The following ERBB4 variants were observed in gnomAD, a reference collection of about 807,000 sequenced individuals.
The protein encoded by ERBB4 is receptor tyrosine-protein kinase erbB-4.
A neutral mutation model predicts 158.0 loss-of-function variants in ERBB4; 42 were observed. The ratio of observed to expected loss-of-function variants is 0.27; its 90% CI spans 0.21 to 0.34. The LOEUF (loss-of-function observed/expected upper bound fraction) is 0.34, where lower values mean the gene tolerates loss of function less well. Among genes scored for constraint, ERBB4 ranks in the 10% least tolerant of loss-of-function variants. The probability of loss-of-function intolerance (pLI) is 1.00; values close to 1 mark genes in which losing one functional copy is unlikely to be tolerated. For missense variants in ERBB4, 1,333 were observed against 1,624.1 expected (o/e 0.82, Z 3.08); for synonymous variants, 583 against 558.7 (o/e 1.04, Z -0.61).
At chr2:212,107,698 G>T (rs2079274245) in intron 2 of ERBB4, among the ~76,000 whole-genome samples, 2 of 152,126 alleles carry the variant, frequency 1.3e-5, no homozygotes. Flanking sequence ...TTGAATTGTA[G>T]CTCCAACAAT....
intron 16 of ERBB4, among the ~76,000 whole-genome samples, chr2:211,639,057 C>T (rs1210106593): frequency 6.6e-6 from 1 of 152,072 alleles, no homozygotes; most frequent in Non-Finnish European, 1.5e-5. Flanking sequence ...AAGAACTTTC[C>T]TTTTAACAGG....
chr2:212,442,771 T>G (rs1478073391), intron 1 of ERBB4, among the ~76,000 whole-genome samples: 3 of 152,120 alleles, frequency 2.0e-5, no homozygotes, highest in Non-Finnish European at 4.4e-5. Context: ...AAAGGCCAAA[T>G]GGAACCCATT....
intron 1 of ERBB4, among the ~76,000 whole-genome samples, chr2:212,234,405 C>G (rs2083778125): frequency 6.6e-6 from 1 of 152,084 alleles, no homozygotes; most frequent in African/African-American, 2.4e-5. Context: ...GGGTTGGTTT[C>G]ATGTCTTTGC....
At chr2:211,477,768 A>C (rs1226415344) in intron 20 of ERBB4, among the ~76,000 whole-genome samples, 1 of 152,112 alleles carries the variant, frequency 6.6e-6, no homozygotes, top group East Asian at 1.9e-4. Context: ...TTTGCTAAGA[A>C]TTTTAAGTAT....
At chr2:211,883,154 G>T (rs1337214584) in intron 3 of ERBB4, among the ~76,000 whole-genome samples, 2 of 152,150 alleles carry the variant, frequency 1.3e-5, no homozygotes, top group Non-Finnish European at 2.9e-5. Flanking sequence ...GTAGGGACAT[G>T]GATGAAGCTG....
At chr2:212,272,439 G>C (rs763498228) in intron 1 of ERBB4, among the ~76,000 whole-genome samples, 2 of 151,724 alleles carry the variant, frequency 1.3e-5, no homozygotes, top group Non-Finnish European at 2.9e-5. Context: ...CCGTTGAATT[G>C]TGAAAAGGAA....
chr2:211,522,655 G>A (rs2066220010), intron 20 of ERBB4, among the ~76,000 whole-genome samples: 1 of 152,074 alleles, frequency 6.6e-6, no homozygotes, highest in African/African-American at 2.4e-5. Flanking sequence ...TTTGATGAAA[G>A]GAAGAGTCAA....
At position 212,503,380 on chromosome 2, in the gene ERBB4, G is replaced by T. The variant is rs559192826; in HGVS notation, c.82+35069C>A. 2.9e-3 allele frequency among the ~76,000 whole-genome samples: 435 copies of T among 152,280 alleles called. 2 individuals carry two copies. Among genetic ancestry groups the T allele is most frequent in the African/African-American group, 0.01 (422 of 41,548 alleles). On this transcript the variant is annotated intron_variant, in intron 1 of 27. Coordinates refer to ENST00000342788, the MANE Select transcript of ERBB4 (RefSeq NM_005235.3). ...TAAATGTTGTCCTCCACAATATCCA[G>T]TAATAATATAGCCTCTTTTCCTACT...
intron 1 of ERBB4, among the ~76,000 whole-genome samples, chr2:212,237,153 A>G (rs1445307050): frequency 6.6e-6 from 1 of 152,094 alleles, no homozygotes; most frequent in East Asian, 1.9e-4. Context: ...AGGAGAAGAA[A>G]TATTATCACT....
At chr2:211,718,619 T>C (rs2073998500) in intron 7 of ERBB4, among the ~76,000 whole-genome samples, 1 of 152,166 alleles carries the variant, frequency 6.6e-6, no homozygotes, top group African/African-American at 2.4e-5. Context: ...GCCATCAACA[T>C]AGACAATCTG....
At chr2:211,902,701 T>C (rs960974793) in intron 3 of ERBB4, among the ~76,000 whole-genome samples, 3 of 151,722 alleles carry the variant, frequency 2.0e-5, no homozygotes, top group Non-Finnish European at 4.4e-5. Flanking sequence ...TTTCCTTCTA[T>C]GTATATTTTT....
intron 13 of ERBB4, among the ~76,000 whole-genome samples, chr2:211,676,886 T>G (rs901197987): frequency 7.2e-5 from 11 of 152,208 alleles, no homozygotes; most frequent in African/African-American, 2.4e-4. Context: ...TCTGAGGTAT[T>G]TTATGTTCAT....
At chr2:212,159,033 C>G (rs1319626077) in intron 1 of ERBB4, among the ~76,000 whole-genome samples, 1 of 151,790 alleles carries the variant, frequency 6.6e-6, no homozygotes, top group East Asian at 1.9e-4. Context: ...GAAATGTGGT[C>G]GATATGTTGT....
chr2:211,725,920 G>A (rs1165826552), intron 5 of ERBB4, among the ~76,000 whole-genome samples: 1 of 151,990 alleles, frequency 6.6e-6, no homozygotes, highest in Non-Finnish European at 1.5e-5. Flanking sequence ...AATCATCATT[G>A]GTCTTTTCTT....
At chr2:212,235,852 C>G (rs2083849891) in intron 1 of ERBB4, among the ~76,000 whole-genome samples, 1 of 152,180 alleles carries the variant, frequency 6.6e-6, no homozygotes, top group Admixed American at 6.5e-5. Context: ...TGCTTATCAG[C>G]TTAAGGAGAT....
At chr2:212,489,100 A>G (rs13394464) in intron 1 of ERBB4, among the ~76,000 whole-genome samples, 21,478 of 151,556 alleles carry the variant, frequency 0.14, 1,629 homozygotes, top group African/African-American at 0.17. Context: ...CTAAAGAAAA[A>G]AGAAAAGGCA....
rs140630353 is a variant in ERBB4, at chr2:211,734,409, C to T, written c.623-9215G>A. 3.5e-4 allele frequency among the ~76,000 whole-genome samples: 53 copies of T among 152,078 alleles called. No individual in the cohort carries two copies. The East Asian group carries it at 9.5e-3, about 27-fold the overall frequency. On this transcript the variant is annotated intron_variant, in intron 5 of 27. Transcript: ENST00000342788. ...TTTTTGAAGACTAATTTGTCTCTAT[C>T]AAATTTGTGTATGTAAATTCACATG...
At chr2:212,153,500 C>T (rs182642870) in intron 1 of ERBB4, among the ~76,000 whole-genome samples, 72 of 152,198 alleles carry the variant, frequency 4.7e-4, no homozygotes, top group African/African-American at 1.6e-3. Context: ...CTAAGTAGGA[C>T]ACTTAGACAC....
rs139389864 is a variant in ERBB4, at chr2:212,067,984, A to C, written c.234+56768T>G. 5.5e-4 allele frequency among the ~76,000 whole-genome samples: 84 copies of C among 152,194 alleles called. 1 individual carries two copies. In the East Asian group the frequency reaches 0.014, roughly 26 times the overall value. ...TATATAGACTTAGATGCAAAAACGA[A>C]TGAACAGACTACTTAGTTAAAATGG... On this transcript the variant is annotated intron_variant, in intron 2 of 27. Transcript: ENST00000342788.
Sources: allele counts gnomAD v4.1 joint callset (sites outside exome capture counted in the v4.1 genomes callset), GRCh38; gene constraint gnomAD v4.1.1; transcripts MANE v1.5; gene names NCBI Gene and HGNC (gene_info 2026-07-23, HGNC 2026-07-21).